The following TIFAB variants were observed in gnomAD, a reference collection of about 807,000 sequenced individuals.
TIFAB encodes TRAF-interacting protein with FHA domain-containing protein B.
For synonymous variants in TIFAB, 116 were observed against 95.2 expected, an observed-to-expected ratio of 1.22 and a Z score of -1.27; for missense variants, 222 against 203.6, an observed-to-expected ratio of 1.09 and a Z score of -0.55.
At position 135,446,386 on chromosome 5, in the gene TIFAB, G is replaced by T. The variant is rs147422825; in HGVS notation, c.*3068C>A. 1.3e-3 allele frequency: 2,063 copies of T among 1,602,420 alleles called. 3 individuals carry two copies. Among genetic ancestry groups the T allele is most frequent in the Admixed American group, 4.0e-3 (240 of 59,538 alleles). On this transcript the variant is annotated 3_prime_UTR_variant, in exon 2 of 2. Coordinates refer to ENST00000537858, the MANE Select transcript of TIFAB (RefSeq NM_001099221.2). ...CACGCACACATGTTCACTCAGGCAC[G>T]TGGGCTGCCCTGCGGTGGGAGCTGA...
chr5:135,450,957 A>G (rs1195053161), intron 1 of TIFAB, among the ~76,000 whole-genome samples: 2 of 152,124 alleles, frequency 1.3e-5, no homozygotes, highest in South Asian at 2.1e-4. Flanking sequence ...CACCTGGCCA[A>G]CCTTACTCTC....
rs1769315560 is a variant in TIFAB at position 135,448,781 on chromosome 5, C to A, written c.*673G>T. The A allele has an allele frequency of 6.6e-6, 1 of 152,456 alleles. No homozygotes were observed. Among genetic ancestry groups the A allele is most frequent in the Non-Finnish European group, 1.5e-5 (1 of 68,254 alleles). 9.4% of individuals were successfully genotyped at this position (152,456 alleles called of 1,614,324 possible). A position where few individuals can be genotyped will look rare whatever the true frequency, so the allele number is the denominator to read the frequency against. On this transcript the variant is annotated 3_prime_UTR_variant, in exon 2 of 2. Transcript: ENST00000537858. Reference sequence around the variant, plus strand: ...TTTCCAATTTCCTCTTACACCTCGTCTATATTTCCCACCCCCACGTCTGCA... The same window carrying A: ...TTTCCAATTTCCTCTTACACCTCGTATATATTTCCCACCCCCACGTCTGCA...
In TIFAB at chr5:135,449,601, C is replaced by A; in HGVS notation, c.339G>T (p.Leu113=). The part of the protein sequence containing the change: ...NRVSFSGIQM[L]VRVEEGTSLE... The stretch of plus-strand genomic sequence containing the variant: ...GGGATGTGCCTTCTTCTACGCGAAC[C>A]AGCATCTGGATGCCTGAGAAGGAGA... The change falls in exon 2 of 2, where the codon CTG becomes CTT. Residue 113 remains leucine, a synonymous_variant. Transcript: ENST00000537858. 6.2e-7 allele frequency: 1 copy of A among 1,614,232 alleles called. No individual in the cohort carries two copies. Among genetic ancestry groups the A allele is most frequent in the Non-Finnish European group, 8.5e-7 (1 of 1,180,044 alleles).
In TIFAB at chr5:135,447,018, C is replaced by A; in HGVS notation, c.*2436G>T. 6.2e-7 allele frequency: 1 copy of A among 1,613,824 alleles called. No individual in the cohort carries two copies. Among genetic ancestry groups the A allele is most frequent in the Admixed American group, 1.7e-5 (1 of 59,996 alleles). On this transcript the variant is annotated 3_prime_UTR_variant, in exon 2 of 2. Coordinates refer to ENST00000537858, the MANE Select transcript of TIFAB (RefSeq NM_001099221.2). Reference sequence around the variant, plus strand: ...CCTGGGAACTCTGGGGTTTCCCCACCAGCTCCTCTCTCCAGTCTTTGGTGT... The same window carrying A: ...CCTGGGAACTCTGGGGTTTCCCCACAAGCTCCTCTCTCCAGTCTTTGGTGT...
Position 135,447,355 on chromosome 5 carries a change from G to A in TIFAB, c.*2099C>T. Reference sequence around the variant, plus strand: ...GGTAAGCCCTTGGGTTCTGGAGCCAGCTTACTGGGGTGTGAGTCTTCCTTA... The same window carrying A: ...GGTAAGCCCTTGGGTTCTGGAGCCAACTTACTGGGGTGTGAGTCTTCCTTA... On this transcript the variant is annotated 3_prime_UTR_variant, in exon 2 of 2. Coordinates refer to ENST00000537858, the MANE Select transcript of TIFAB (RefSeq NM_001099221.2). 1.8e-6 allele frequency: 1 copy of A among 564,198 alleles called. No homozygotes were observed. Among genetic ancestry groups the A allele is most frequent in the Non-Finnish European group, 3.2e-6 (1 of 311,540 alleles). 34.9% of individuals were successfully genotyped at this position (564,198 alleles called of 1,614,324 possible). A position where few individuals can be genotyped will look rare whatever the true frequency, so the allele number is the denominator to read the frequency against.
At chr5:135,451,425 A>T (rs953003250) in intron 1 of TIFAB, among the ~76,000 whole-genome samples, 5 of 151,360 alleles carry the variant, frequency 3.3e-5, no homozygotes, top group Non-Finnish European at 5.9e-5. Context: ...GCACAGACAC[A>T]CATATGCCTC....
chr5:135,449,466 A>G lies in TIFAB; in HGVS notation c.474T>C (p.Pro158=). ...CAACCTGGATCTGCTACCCTGAACC[A>G]GGGGGAGGCTGCCCCTGGGAGATGC... ...WEGISQGQPP[P]GSG is the part of the protein sequence containing the mutation. Residue 158 remains proline (P), a synonymous_variant, in exon 2 of 2, where the codon CCT becomes CCC. Transcript: ENST00000537858. 2 of 1,613,742 alleles carry G rather than the reference A, an allele frequency of 1.2e-6. No homozygotes were observed. The highest frequency in any genetic ancestry group is 1.3e-5 in the African/African-American group (1 of 75,046).
At chr5:135,451,445 C>G (rs926986117) in intron 1 of TIFAB, among the ~76,000 whole-genome samples, 8 of 152,082 alleles carry the variant, frequency 5.3e-5, no homozygotes, top group African/African-American at 1.9e-4. Context: ...CTACCCACAC[C>G]CCATCTGGCC....
In TIFAB at chr5:135,449,242, G is replaced by A; in HGVS notation, c.*212C>T. Reference sequence around the variant, plus strand: ...TTCATTATGAGCAAGGCAGCCAGTGGGTTTTGCTTGTCAACCTTGCATGAT... The same window carrying A: ...TTCATTATGAGCAAGGCAGCCAGTGAGTTTTGCTTGTCAACCTTGCATGAT... On this transcript the variant is annotated 3_prime_UTR_variant, in exon 2 of 2. Coordinates refer to ENST00000537858, the MANE Select transcript of TIFAB (RefSeq NM_001099221.2). The A allele has an allele frequency of 1.4e-6, 1 of 724,020 alleles. No homozygotes were observed. The highest frequency in any genetic ancestry group is 2.0e-5 in the South Asian group (1 of 51,100). The allele number at this position is 724,020 out of a possible 1,614,324, so 44.8% of individuals were successfully genotyped here.
rs551922751 is a variant in TIFAB at position 135,448,966 on chromosome 5, G to A, written c.*488C>T. ...AAGGTAACCCCAAGCTACCACAAAT[G>A]TAATTGTTACATGTGTCCACGCATT... On this transcript the variant is annotated 3_prime_UTR_variant, in exon 2 of 2. Coordinates refer to ENST00000537858, the MANE Select transcript of TIFAB (RefSeq NM_001099221.2). 11 of 164,536 alleles carry A rather than the reference G, an allele frequency of 6.7e-5. No homozygotes were observed. In the South Asian group the frequency reaches 1.3e-3, roughly 19 times the overall value. 10.2% of individuals were successfully genotyped at this position (164,536 alleles called of 1,614,324 possible).
rs533669686 is a variant in TIFAB, at chr5:135,450,155, C to T, written c.-10-206G>A. On this transcript the variant is annotated intron_variant, in intron 1 of 1. Coordinates refer to ENST00000537858, the MANE Select transcript of TIFAB (RefSeq NM_001099221.2). Reference sequence around the variant, plus strand: ...CATACTCTGAATAGAACATGCCACCCACTCTGTCTGACTTTTGGATTTCTG... The same window carrying T: ...CATACTCTGAATAGAACATGCCACCTACTCTGTCTGACTTTTGGATTTCTG... 3.3e-5 allele frequency among the ~76,000 whole-genome samples: 5 copies of T among 152,330 alleles called. No homozygotes were observed. The South Asian group carries it at 1.0e-3, about 32-fold the overall frequency.
intron 1 of TIFAB, among the ~76,000 whole-genome samples, chr5:135,451,970 C>T (rs183489700): frequency 2.2e-4 from 34 of 152,368 alleles, no homozygotes; most frequent in Admixed American, 2.0e-3. Flanking sequence ...TTACTCTCTG[C>T]TCCAACCAGA....
rs1249178555 is a variant in TIFAB at position 135,446,425 on chromosome 5, A to C, written c.*3029T>G. ...GGTGGGAGCTGAGAGAATGCAGTGG[A>C]GGTTGTTGGGAGGAACTCACCCGCC... is the stretch of plus-strand genomic sequence containing the variant. On this transcript the variant is annotated 3_prime_UTR_variant, in exon 2 of 2. Transcript: ENST00000537858. 23 of 1,612,048 alleles carry C rather than the reference A, an allele frequency of 1.4e-5. No individual in the cohort carries two copies. The Admixed American group carries it at 3.8e-4, about 27-fold the overall frequency.
rs1300866801 is a variant in TIFAB, at chr5:135,445,960, G to C, written c.*3494C>G. 1 of 161,140 alleles carries C rather than the reference G, an allele frequency of 6.2e-6. No individual in the cohort carries two copies. Among genetic ancestry groups the C allele is most frequent in the African/African-American group, 2.4e-5 (1 of 41,614 alleles). 10.0% of individuals were successfully genotyped at this position (161,140 alleles called of 1,614,324 possible). A position where few individuals can be genotyped will look rare whatever the true frequency, so the allele number is the denominator to read the frequency against. On this transcript the variant is annotated 3_prime_UTR_variant, in exon 2 of 2. Coordinates refer to ENST00000537858, the MANE Select transcript of TIFAB (RefSeq NM_001099221.2). ...TGTCTCAGAGAATTGTAGTGCTCTGGGGTATGCCTGAATGTAACTAATGTA... is the reference window on the plus strand; with the variant it reads ...TGTCTCAGAGAATTGTAGTGCTCTGCGGTATGCCTGAATGTAACTAATGTA...
rs775627488 is a variant in TIFAB at position 135,449,868 on chromosome 5, A to G, written c.72T>C (p.Asn24=). ...TATCATGCTGCAGCCGTGGTGGGAC[A>G]TTGGCAAAGGCAGATGGGCCCAGCG... The part of the protein sequence containing the change: ...HPTLGPSAFA[N]VPPRLQHDTS... Residue 24 remains asparagine, a synonymous_variant, in exon 2 of 2, where the codon AAT becomes AAC. Transcript: ENST00000537858. 5.4e-5 allele frequency: 86 copies of G among 1,582,876 alleles called. No individual in the cohort carries two copies. Among genetic ancestry groups the G allele is most frequent in the Non-Finnish European group, 7.1e-5 (83 of 1,162,168 alleles).
In TIFAB at chr5:135,447,338, C is replaced by G; in HGVS notation, c.*2116G>C. 1.7e-6 allele frequency: 1 copy of G among 597,286 alleles called. No homozygotes were observed. The highest frequency in any genetic ancestry group is 1.9e-5 in the African/African-American group (1 of 53,528). 37.0% of individuals were successfully genotyped at this position (597,286 alleles called of 1,614,324 possible). ...GGGAATCACAGAGCACAGGTAAGCC[C>G]TTGGGTTCTGGAGCCAGCTTACTGG... On this transcript the variant is annotated 3_prime_UTR_variant, in exon 2 of 2. Transcript: ENST00000537858.
chr5:135,448,612 A>T lies in TIFAB; in HGVS notation c.*842T>A, dbSNP rs1769313017. The T allele has an allele frequency of 6.6e-6, 1 of 151,982 alleles. No individual in the cohort carries two copies. Among genetic ancestry groups the T allele is most frequent in the Non-Finnish European group, 1.5e-5 (1 of 68,020 alleles). 9.4% of individuals were successfully genotyped at this position (151,982 alleles called of 1,614,324 possible). ...TGCCCTCAAGTCAACCAAGGCCTTGATCCAGAAGTGACAGAGAATGCGGAG... is the reference window on the plus strand; with the variant it reads ...TGCCCTCAAGTCAACCAAGGCCTTGTTCCAGAAGTGACAGAGAATGCGGAG... On this transcript the variant is annotated 3_prime_UTR_variant, in exon 2 of 2. Coordinates refer to ENST00000537858, the MANE Select transcript of TIFAB (RefSeq NM_001099221.2).
rs1769302977 is a variant in TIFAB at position 135,448,139 on chromosome 5, C to T, written c.*1315G>A. ...CTGTTTTCCTGATGGAGAAGATGCT[C>T]AGGGCCTGTGAGTGAAGTTGGACCT... On this transcript the variant is annotated 3_prime_UTR_variant, in exon 2 of 2. Transcript: ENST00000537858. The T allele has an allele frequency of 6.6e-6, 1 of 152,204 alleles. No homozygotes were observed. The highest frequency in any genetic ancestry group is 2.4e-5 in the African/African-American group (1 of 41,442). The allele number at this position is 152,204 out of a possible 1,614,324, so 9.4% of individuals were successfully genotyped here. A position where few individuals can be genotyped will look rare whatever the true frequency, so the allele number is the denominator to read the frequency against.
chr5:135,452,268 G>A lies in TIFAB; in HGVS notation c.-70C>T, dbSNP rs1769373323. On this transcript the variant is annotated 5_prime_UTR_variant, in exon 1 of 2. Coordinates refer to ENST00000537858, the MANE Select transcript of TIFAB (RefSeq NM_001099221.2). Reference sequence around the variant, plus strand: ...AGCTGTGAGCTCTTGAGAGGGAGTAGGCTGGTTTGGGTAGGGCTGGGAGGG... The same window carrying A: ...AGCTGTGAGCTCTTGAGAGGGAGTAAGCTGGTTTGGGTAGGGCTGGGAGGG... 1 of 152,304 alleles carries A rather than the reference G, an allele frequency of 6.6e-6. No homozygotes were observed. The highest frequency in any genetic ancestry group is 1.5e-5 in the Non-Finnish European group (1 of 68,102). The allele number at this position is 152,304 out of a possible 1,614,324, so 9.4% of individuals were successfully genotyped here. A position where few individuals can be genotyped will look rare whatever the true frequency, so the allele number is the denominator to read the frequency against.
Sources: gnomAD v4.1 joint callset for allele counts (sites outside exome capture counted in the v4.1 genomes callset) on GRCh38, gnomAD v4.1.1 for gene constraint, MANE v1.5 for transcripts, NCBI Gene and HGNC (gene_info 2026-07-23, HGNC 2026-07-21) for gene names.